Variants in BRINP1 observed in about 807,000 individuals in gnomAD.
The protein encoded by BRINP1 is BMP/retinoic acid inducible neural specific 1, also known as BMP/retinoic acid-inducible neural-specific protein 1.
A neutral mutation model predicts 72.9 loss-of-function variants in BRINP1; 17 were observed. The observed-to-expected ratio is 0.23, with a 90% CI of 0.16 to 0.35. The LOEUF is 0.35. Ranked by LOEUF, BRINP1 falls within the 10% of genes least tolerant of loss-of-function variation. BRINP1 has a pLI of 1.00. For missense variants in BRINP1, 850 were observed against 1,001.6 expected (o/e 0.85, Z 2.04); for synonymous variants, 418 against 378.5 (o/e 1.10, Z -1.21).
At chr9:119,309,960 T>C (rs575967943) in intron 2 of BRINP1, among the ~76,000 whole-genome samples, 3 of 152,166 alleles carry the variant, frequency 2.0e-5, no homozygotes, top group Non-Finnish European at 4.4e-5. Flanking sequence ...GCTGCATACA[T>C]GAATTTTCCC....
chr9:119,263,216 A>G (rs1830514372), intron 2 of BRINP1, among the ~76,000 whole-genome samples: 1 of 152,154 alleles, frequency 6.6e-6, no homozygotes, highest in African/African-American at 2.4e-5. Flanking sequence ...TACAGAAACG[A>G]GAGATTAGTC....
rs1179642203 is a variant in BRINP1 at position 119,369,338 on chromosome 9, C to T, written c.-333G>A. ...GCTCTCGCTGTTGCTCGCTCGCTCT[C>T]TCCCTCTCTCGCGGGTTCGCTCGCC... On this transcript the variant is annotated 5_prime_UTR_variant, in exon 1 of 8. Coordinates refer to ENST00000265922, the MANE Select transcript of BRINP1 (RefSeq NM_014618.3). The T allele has an allele frequency of 5.0e-6, 2 of 398,524 alleles. No individual in the cohort carries two copies. The highest frequency in any genetic ancestry group is 8.8e-6 in the Non-Finnish European group (2 of 226,124). The allele number at this position is 398,524 out of a possible 1,614,324, so 24.7% of individuals were successfully genotyped here.
chr9:119,238,887 T>C (rs1315790256), intron 4 of BRINP1, 127 bp from the exon 5 acceptor site: 2 of 584,728 alleles, frequency 3.4e-6, no homozygotes, highest in Middle Eastern at 4.2e-4. Context: ...AATGGTCACT[T>C]TCTGAGCTTC....
chr9:119,317,771 A>G (rs929618348), intron 1 of BRINP1, among the ~76,000 whole-genome samples: 1 of 152,194 alleles, frequency 6.6e-6, no homozygotes, highest in African/African-American at 2.4e-5. Flanking sequence ...GACCACCCTG[A>G]TCAGTCAGAA....
intron 5 of BRINP1, among the ~76,000 whole-genome samples, chr9:119,229,012 A>T (rs1291460934): frequency 6.6e-6 from 1 of 152,138 alleles, no homozygotes; most frequent in Non-Finnish European, 1.5e-5. Flanking sequence ...TTATCTTTGA[A>T]GTTGCCAAGT....
chr9:119,313,110 G>C, intron 2 of BRINP1, 28 bp downstream of exon 2: 10 of 1,606,590 alleles, frequency 6.2e-6, no homozygotes, highest in Non-Finnish European at 8.5e-6. Flanking sequence ...ATGAATGTAA[G>C]GCAAGGGCTA....
intron 7 of BRINP1, among the ~76,000 whole-genome samples, chr9:119,186,985 C>T (rs1243743709): frequency 6.6e-6 from 1 of 152,026 alleles, no homozygotes; most frequent in Non-Finnish European, 1.5e-5. Context: ...TATCCTGCTC[C>T]CCAGAACCTG....
At chr9:119,248,891 T>C in intron 3 of BRINP1, 69 bp downstream of exon 3, 1 of 1,370,262 alleles carries the variant, frequency 7.3e-7, no homozygotes, top group Non-Finnish European at 1.0e-6. Flanking sequence ...TGTTAAGACA[T>C]CCCACTCTCC....
At chr9:119,244,364 A>T (rs1380859335) in intron 3 of BRINP1, among the ~76,000 whole-genome samples, 1 of 152,168 alleles carries the variant, frequency 6.6e-6, no homozygotes, top group African/African-American at 2.4e-5. Flanking sequence ...GGGCCATGGG[A>T]AGTGGAGCAG....
chr9:119,342,357 T>C (rs1305205760), intron 1 of BRINP1, among the ~76,000 whole-genome samples: 3 of 152,182 alleles, frequency 2.0e-5, no homozygotes, highest in African/African-American at 7.2e-5. Flanking sequence ...ACTGTTAAAG[T>C]GGTGCCTGAA....
intron 7 of BRINP1, among the ~76,000 whole-genome samples, chr9:119,197,361 T>C (rs1214051774): frequency 6.6e-6 from 1 of 152,214 alleles, no homozygotes; most frequent in Non-Finnish European, 1.5e-5. Flanking sequence ...ACTCTGTCTA[T>C]AATATAGGAA....
intron 1 of BRINP1, among the ~76,000 whole-genome samples, chr9:119,358,738 T>C (rs1831598528): frequency 6.6e-6 from 1 of 152,160 alleles, no homozygotes; most frequent in African/African-American, 2.4e-5. Flanking sequence ...TTCAGCTGGA[T>C]TGTGTTGAAG....
At chr9:119,209,282 T>C (rs1023835087) in intron 6 of BRINP1, among the ~76,000 whole-genome samples, 7 of 152,122 alleles carry the variant, frequency 4.6e-5, no homozygotes, top group African/African-American at 1.4e-4. Context: ...ACTTAAAAAT[T>C]GAAAACAAGG....
intron 6 of BRINP1, among the ~76,000 whole-genome samples, chr9:119,211,164 CTTTATTTATTTATTTATTTA>C (rs71506209): frequency 6.8e-5 from 10 of 147,224 alleles, no homozygotes; most frequent in South Asian, 4.3e-4. Context: ...AATACATTAA[CTTTATTTATTTATTTATTTA>C]TTTATTTATT....
intron 2 of BRINP1, among the ~76,000 whole-genome samples, chr9:119,285,817 C>T (rs1830755859): frequency 6.6e-6 from 1 of 152,090 alleles, no homozygotes. Flanking sequence ...CACAATTTTA[C>T]CAGTGACTCC....
At chr9:119,200,118 CAGA>C (rs1829789432) in intron 7 of BRINP1, among the ~76,000 whole-genome samples, 1 of 152,110 alleles carries the variant, frequency 6.6e-6, no homozygotes. Context: ...ACTCAATTTG[CAGA>C]AGATTATATC....
intron 1 of BRINP1, among the ~76,000 whole-genome samples, chr9:119,355,318 C>T (rs1831550147): frequency 6.6e-6 from 1 of 152,046 alleles, no homozygotes. Flanking sequence ...GTCATAAGTG[C>T]CATTTATTGA....
Position 119,189,693 on chromosome 9 carries a change from G to GA in BRINP1, c.1145+19025_1145+19026insT, listed in dbSNP as rs1253218147. On this transcript the variant is annotated intron_variant, in intron 7 of 7. Transcript: ENST00000265922. ...TAAAGTAAATATTAATGAACCTGAA[G>GA]GAATAAATAAATATCTATACAATAA... 2.0e-5 allele frequency among the ~76,000 whole-genome samples: 3 copies of GA among 151,884 alleles called. No homozygotes were observed. The South Asian group carries it at 6.2e-4, about 31-fold the overall frequency.
chr9:119,221,296 A>T (rs940410294), intron 5 of BRINP1, among the ~76,000 whole-genome samples: 2 of 152,220 alleles, frequency 1.3e-5, no homozygotes, highest in Non-Finnish European at 1.5e-5. Flanking sequence ...TTTTGCAAAA[A>T]GTCAGCCTGA....
Sources: allele counts gnomAD v4.1 joint callset (sites outside exome capture counted in the v4.1 genomes callset), GRCh38; gene constraint gnomAD v4.1.1; transcripts MANE v1.5; gene names NCBI Gene and HGNC (gene_info 2026-07-23, HGNC 2026-07-21).